ERICH1: variants seen among roughly 807,000 people sequenced by gnomAD.
ERICH1 encodes the protein glutamate-rich protein 1.
A neutral mutation model predicts 39.6 loss-of-function variants in ERICH1; 56 were observed. The observed-to-expected ratio is 1.41, with a 90% CI of 1.14 to 1.77. ERICH1 has a LOEUF of 1.77. Ranked by LOEUF, ERICH1 falls within the 40% of genes most tolerant of loss-of-function variation. ERICH1 has a pLI of 0.00. For missense variants in ERICH1, 826 were observed against 575.4 expected, an observed-to-expected ratio of 1.44 and a Z score of -4.45; for synonymous variants, 313 against 223.6, an observed-to-expected ratio of 1.40 and a Z score of -3.57.
intron 1 of ERICH1, among the ~76,000 whole-genome samples, chr8:718,864 G>C (rs1026348140): frequency 2.6e-5 from 4 of 152,192 alleles, no homozygotes; most frequent in Non-Finnish European, 5.9e-5. Flanking sequence ...TTCGAGAGGG[G>C]TGGTTCCCAG....
intron 2 of ERICH1, among the ~76,000 whole-genome samples, chr8:695,441 G>A (rs547795696): frequency 1.3e-5 from 2 of 152,026 alleles, no homozygotes; most frequent in Non-Finnish European, 2.9e-5. Flanking sequence ...ACCTGGCAGA[G>A]GCCAGCCATC....
At chr8:714,871 G>A (rs909193935) in intron 2 of ERICH1, among the ~76,000 whole-genome samples, 45 of 151,966 alleles carry the variant, frequency 3.0e-4, no homozygotes, top group Middle Eastern at 3.4e-3. Context: ...GTCTATTCCC[G>A]TGTCTCTCGG....
rs1231172295 is a variant in ERICH1 at position 699,876 on chromosome 8, C to T, written c.170-7264G>A. ...GCACACGCGCACAGACCCTCACAGG[C>T]GCACAGATCCGCACACGCGCACAGA... On this transcript the variant is annotated intron_variant, in intron 2 of 5. Coordinates refer to ENST00000262109, the MANE Select transcript of ERICH1 (RefSeq NM_207332.3). 8.2e-5 allele frequency among the ~76,000 whole-genome samples: 9 copies of T among 110,144 alleles called. 1 individual carries two copies. Among genetic ancestry groups the T allele is most frequent in the African/African-American group, 2.9e-4 (9 of 31,104 alleles). The allele number at this position is 110,144 out of a possible 152,430, so 72.3% of individuals were successfully genotyped here. A position where few individuals can be genotyped will look rare whatever the true frequency, so the allele number is the denominator to read the frequency against.
At chr8:718,690 C>T (rs966494746) in intron 1 of ERICH1, among the ~76,000 whole-genome samples, 1 of 152,208 alleles carries the variant, frequency 6.6e-6, no homozygotes, top group Non-Finnish European at 1.5e-5. Context: ...ACAGGCATTT[C>T]TCTCGGAAGA....
intron 3 of ERICH1, among the ~76,000 whole-genome samples, chr8:633,824 C>A (rs989921519): frequency 6.6e-6 from 1 of 152,230 alleles, no homozygotes; most frequent in African/African-American, 2.4e-5. Context: ...TGCTGGGAAA[C>A]AGGACATCCA....
At position 648,238 on chromosome 8, in the gene ERICH1, C is replaced by G. The variant is rs140714456; in HGVS notation, c.976+20360G>C. ...ACAGTGGGCTTCCCAGCACCCAGAA[C>G]TATGGGAAATACATTTCTTTTCTTT... On this transcript the variant is annotated intron_variant, in intron 3 of 3. Coordinates refer to the ERICH1 transcript ENST00000522706. Among the ~76,000 whole-genome samples, 55 of 66,232 alleles carry G rather than the reference C, an allele frequency of 8.3e-4. 20 individuals carry two copies. In the East Asian group the frequency reaches 0.011, roughly 14 times the overall value. 43.5% of individuals were successfully genotyped at this position (66,232 alleles called of 152,430 possible). A position where few individuals can be genotyped will look rare whatever the true frequency, so the allele number is the denominator to read the frequency against.
At chr8:649,647 C>T (rs2117295910) in intron 3 of ERICH1, among the ~76,000 whole-genome samples, 1 of 152,260 alleles carries the variant, frequency 6.6e-6, no homozygotes, top group South Asian at 2.1e-4. Flanking sequence ...TGAGCCCTTC[C>T]TGCAGGAAGG....
At chr8:678,927 C>A (rs563374103) in intron 3 of ERICH1, among the ~76,000 whole-genome samples, 1 of 152,112 alleles carries the variant, frequency 6.6e-6, no homozygotes, top group African/African-American at 2.4e-5. Flanking sequence ...CTCTGACGAC[C>A]GTCACAGCTC....
chr8:729,417 A>C (rs1031613332), intron 1 of ERICH1, among the ~76,000 whole-genome samples: 1 of 151,632 alleles, frequency 6.6e-6, no homozygotes, highest in Non-Finnish European at 1.5e-5. Flanking sequence ...CCCTAACTTC[A>C]CTCGTTGCAA....
chr8:683,543 T>TA (rs1392181537), intron 3 of ERICH1, among the ~76,000 whole-genome samples: 1 of 152,214 alleles, frequency 6.6e-6, no homozygotes, highest in Non-Finnish European at 1.5e-5. Context: ...TCTGGAGCAG[T>TA]AATTTCCAAA....
chr8:640,117 C>T (rs537632854), intron 3 of ERICH1, among the ~76,000 whole-genome samples: 28 of 152,256 alleles, frequency 1.8e-4, no homozygotes, highest in Admixed American at 1.8e-3. Flanking sequence ...GAAATACTTG[C>T]CTGAGACATG....
At chr8:633,564 G>A (rs1023304086) in intron 3 of ERICH1, among the ~76,000 whole-genome samples, 1 of 152,074 alleles carries the variant, frequency 6.6e-6, no homozygotes, top group African/African-American at 2.4e-5. Context: ...GAATCTCAAG[G>A]GTTCCTGATT....
intron 1 of ERICH1, among the ~76,000 whole-genome samples, chr8:716,839 G>T (rs1410167412): frequency 6.6e-6 from 1 of 152,032 alleles, no homozygotes; most frequent in Non-Finnish European, 1.5e-5. Context: ...GGAGACGCTG[G>T]GGGTGGCTTC....
At chr8:661,751 A>G (rs1801454053), downstream of ERICH1, among the ~76,000 whole-genome samples, 1 of 152,256 alleles carries the variant, frequency 6.6e-6, no homozygotes, top group Non-Finnish European at 1.5e-5. Flanking sequence ...CACAAAACGA[A>G]TTAACCCTGA....
At chr8:676,605 G>T (rs1299977821) in intron 3 of ERICH1, among the ~76,000 whole-genome samples, 1 of 152,198 alleles carries the variant, frequency 6.6e-6, no homozygotes, top group Non-Finnish European at 1.5e-5. Flanking sequence ...CGCCATGCGG[G>T]GGGAACAGAG....
chr8:638,741 G>T (rs992419502), intron 3 of ERICH1, among the ~76,000 whole-genome samples: 5 of 152,062 alleles, frequency 3.3e-5, no homozygotes, highest in African/African-American at 1.2e-4. Flanking sequence ...CCACCTGAAC[G>T]TGGTTATCCC....
At chr8:662,477 T>C (rs1329689986), downstream of ERICH1, among the ~76,000 whole-genome samples, 5 of 151,834 alleles carry the variant, frequency 3.3e-5, no homozygotes, top group African/African-American at 9.7e-5. Flanking sequence ...GGAGAAACCC[T>C]TTCTCTACTA....
chr8:660,638 T>A (rs923000245), downstream of ERICH1, among the ~76,000 whole-genome samples: 4 of 152,232 alleles, frequency 2.6e-5, no homozygotes, highest in African/African-American at 4.8e-5. Flanking sequence ...GGTCATTTGT[T>A]ATGCAGAAGA....
At chr8:615,732 T>G (rs533361468) in intron 3 of ERICH1, 1 of 153,880 alleles carries the variant, frequency 6.5e-6, no homozygotes, top group Non-Finnish European at 1.4e-5. Context: ...TTTACTCGAG[T>G]GAGAATTGAG....
Sources: allele counts gnomAD v4.1 joint callset (sites outside exome capture counted in the v4.1 genomes callset), GRCh38; gene constraint gnomAD v4.1.1; transcripts MANE v1.5; gene names NCBI Gene and HGNC (gene_info 2026-07-23, HGNC 2026-07-21).